GPM6A: variants seen among roughly 807,000 people sequenced by gnomAD.
GPM6A encodes the protein neuronal membrane glycoprotein M6-a.
Under a neutral mutation model 32.1 loss-of-function variants are expected in GPM6A, and 7 were observed. That is an observed-to-expected ratio of 0.22 (90% CI 0.12 to 0.41). The LOEUF (loss-of-function observed/expected upper bound fraction) is 0.41, where lower values mean the gene tolerates loss of function less well. Ranked by LOEUF, GPM6A falls within the 10% of genes least tolerant of loss-of-function variation. GPM6A has a pLI of 1.00. For synonymous variants in GPM6A, 130 were observed against 123.4 expected (o/e 1.05, Z -0.35); for missense variants, 235 against 347.2 (o/e 0.68, Z 2.57).
chr4:175,983,687 A>T lies in GPM6A; in HGVS notation c.-23+18622T>A, dbSNP rs144424050. On this transcript the variant is annotated intron_variant, in intron 1 of 7. Transcript: ENST00000280187. ...TGCATATTGGTTTCAATTTGCTTAAAATTTCCTTGAGGAAGTTTGCATCTA... is the reference window on the plus strand; with the variant it reads ...TGCATATTGGTTTCAATTTGCTTAATATTTCCTTGAGGAAGTTTGCATCTA... 9.8e-5 allele frequency among the ~76,000 whole-genome samples: 15 copies of T among 152,308 alleles called. No individual in the cohort carries two copies. In the East Asian group the frequency reaches 2.9e-3, roughly 29 times the overall value.
In GPM6A at chr4:175,674,643, A is replaced by G. The variant is rs374770865; in HGVS notation, c.231-807T>C. ...TTACATAAAATGATACAAATTCCAT[A>G]TTTTTACGTTACAGATAGTCAATTA... On this transcript the variant is annotated intron_variant, in intron 2 of 6. Coordinates refer to ENST00000393658, the MANE Select transcript of GPM6A (RefSeq NM_201591.3). Among the ~76,000 whole-genome samples the G allele has an allele frequency of 1.4e-3, 215 of 152,294 alleles. 9 individuals are homozygous for G. In the South Asian group the frequency reaches 0.044, roughly 31 times the overall value.
At position 175,835,627 on chromosome 4, in the gene GPM6A, G is replaced by GTATATATA. The variant is rs35980764; in HGVS notation, c.-22-23386_-22-23379dup. Among the ~76,000 whole-genome samples, 1,045 of 138,596 alleles carry GTATATATA rather than the reference G, an allele frequency of 7.5e-3. 17 individuals are homozygous for GTATATATA. Among genetic ancestry groups the GTATATATA allele is most frequent in the Admixed American group, 0.036 (491 of 13,538 alleles). 90.9% of individuals were successfully genotyped at this position (138,596 alleles called of 152,430 possible). On this transcript the variant is annotated intron_variant, in intron 1 of 7. Coordinates refer to the GPM6A transcript ENST00000280187. ...CAAGTATATGTGTGTGTGAGTGTGT[G>GTATATATA]TATATATATATATATATATATATGC...
rs1743208701 is a variant in GPM6A, at chr4:175,673,721, C to T, written c.346G>A (p.Asp116Asn). 6.2e-7 allele frequency: 1 copy of T among 1,611,436 alleles called. No individual in the cohort carries two copies. Among genetic ancestry groups the T allele is most frequent in the Admixed American group, 1.7e-5 (1 of 59,982 alleles). ...TTGAIKDLYG[D>N]FKITTCGRCV... ...CTGCCACAAGTGGTGATTTTGAAAT[C>T]CCCATAGAGATCTTTGATGGCCCCA... Residue 116 changes from aspartate (D) to asparagine (N), a missense_variant, in exon 3 of 7, where the codon GAT becomes AAT. Transcript: ENST00000393658.
Position 175,845,169 on chromosome 4 carries a change from C to T in GPM6A, c.-22-32920G>A, listed in dbSNP as rs544775119. On this transcript the variant is annotated intron_variant, in intron 1 of 7. Transcript: ENST00000280187. The stretch of plus-strand genomic sequence containing the variant: ...TTAAAAATATTTTATTAGTTAATTA[C>T]AAAAACTGTGTGTTTTCCTAAAATT... Among the ~76,000 whole-genome samples, 10 of 152,154 alleles carry T rather than the reference C, an allele frequency of 6.6e-5. No homozygotes were observed. In the South Asian group the frequency reaches 2.1e-3, roughly 31 times the overall value.
At chr4:175,657,766 A>G (rs571205738) in intron 3 of GPM6A, among the ~76,000 whole-genome samples, 1 of 152,226 alleles carries the variant, frequency 6.6e-6, no homozygotes, top group South Asian at 2.1e-4. Flanking sequence ...CTGGCCTCTA[A>G]CCACTAGATG....
chr4:175,998,265 TGCTTCAGCTTCCCGA>T (rs2126472635), intron 1 of GPM6A, among the ~76,000 whole-genome samples: 1 of 152,246 alleles, frequency 6.6e-6, no homozygotes, highest in East Asian at 1.9e-4. Context: ...GCGATTCTCG[TGCTTCAGCTTCCCGA>T]GTAGCTGGGA....
chr4:175,658,559 A>C (rs1333372694), intron 3 of GPM6A, among the ~76,000 whole-genome samples: 3 of 152,202 alleles, frequency 2.0e-5, no homozygotes, highest in South Asian at 4.1e-4. Context: ...GAAAATCCTC[A>C]TCTAAATTGT....
At chr4:175,679,520 G>T (rs976870153) in intron 2 of GPM6A, among the ~76,000 whole-genome samples, 3 of 152,086 alleles carry the variant, frequency 2.0e-5, no homozygotes, top group African/African-American at 7.2e-5. Context: ...CTTGCTCCCG[G>T]TCAAAACTTC....
chr4:175,978,030 C>CT (rs1342727439), intron 1 of GPM6A, among the ~76,000 whole-genome samples: 4 of 152,164 alleles, frequency 2.6e-5, no homozygotes, highest in African/African-American at 9.7e-5. Flanking sequence ...TGTATTGTTA[C>CT]TTTTTTCAAG....
intron 6 of GPM6A, among the ~76,000 whole-genome samples, chr4:175,638,231 A>G (rs1012294856): frequency 6.6e-6 from 1 of 151,804 alleles, no homozygotes; most frequent in African/African-American, 2.4e-5. Context: ...TATTAATAAT[A>G]AAGTCCCTGC....
chr4:175,960,696 A>G (rs1357116639), intron 1 of GPM6A: 1 of 152,200 alleles, frequency 6.6e-6, no homozygotes, highest in Non-Finnish European at 1.5e-5. Context: ...AGCTATCATA[A>G]TATAATTATC....
intron 1 of GPM6A, among the ~76,000 whole-genome samples, chr4:175,775,750 T>C (rs532733490): frequency 4.1e-4 from 63 of 152,264 alleles, no homozygotes; most frequent in African/African-American, 1.4e-3. Context: ...AAGCAAGTCA[T>C]ATAAATATAC....
chr4:175,905,730 T>A (rs532929355), intron 1 of GPM6A, among the ~76,000 whole-genome samples: 1 of 152,278 alleles, frequency 6.6e-6, no homozygotes, highest in South Asian at 2.1e-4. Context: ...ATATATTTTC[T>A]AATATTAAGG....
chr4:176,002,084 C>G (rs1741501836), intron 1 of GPM6A, among the ~76,000 whole-genome samples: 1 of 145,846 alleles, frequency 6.9e-6, no homozygotes, highest in East Asian at 2.3e-4. Flanking sequence ...TGTAAACAGT[C>G]GGGCACCCTC....
intron 3 of GPM6A, among the ~76,000 whole-genome samples, chr4:175,662,531 C>A (rs59162807): frequency 7.4e-4 from 112 of 151,896 alleles, no homozygotes; most frequent in African/African-American, 2.4e-3. Context: ...ACCTGGGAGG[C>A]GGAGATTGCA....
intron 1 of GPM6A, among the ~76,000 whole-genome samples, chr4:175,965,132 G>T (rs773288671): frequency 6.6e-6 from 1 of 152,146 alleles, no homozygotes; most frequent in Admixed American, 6.5e-5. Flanking sequence ...TCAATCTCAC[G>T]CAGAACATTC....
chr4:175,731,906 T>A (rs1731449160), intron 1 of GPM6A, among the ~76,000 whole-genome samples: 1 of 151,720 alleles, frequency 6.6e-6, no homozygotes, highest in Non-Finnish European at 1.5e-5. Flanking sequence ...CTGTTCCTTG[T>A]ACCTGTAATG....
intron 1 of GPM6A, among the ~76,000 whole-genome samples, chr4:176,002,090 C>T (rs1442144754): frequency 6.6e-6 from 1 of 152,064 alleles, no homozygotes; most frequent in Non-Finnish European, 1.5e-5. Context: ...CAGTCGGGCA[C>T]CCTCCCTCGC....
upstream of GPM6A, among the ~76,000 whole-genome samples, chr4:175,814,686 TA>T (rs1375323838): frequency 1.3e-5 from 2 of 152,176 alleles, no homozygotes; most frequent in African/African-American, 4.8e-5. Context: ...TTTTAAAATA[TA>T]CAAAAAAGTC....
Sources: allele counts gnomAD v4.1 joint callset (sites outside exome capture counted in the v4.1 genomes callset), GRCh38; gene constraint gnomAD v4.1.1; transcripts MANE v1.5; gene names NCBI Gene and HGNC (gene_info 2026-07-23, HGNC 2026-07-21).